ASH1L: variants seen among roughly 807,000 people sequenced by gnomAD.
ASH1L encodes histone-lysine N-methyltransferase ASH1L.
In ASH1L, 23 loss-of-function variants were observed where a neutral mutation model predicts 269.0. That is an observed-to-expected ratio of 0.09 (90% CI 0.06 to 0.12). The LOEUF is 0.12. Among genes scored for constraint, ASH1L ranks in the 10% least tolerant of loss-of-function variants. The pLI is 1.00. For missense variants in ASH1L, 2,912 were observed against 3,567.8 expected, an observed-to-expected ratio of 0.82 and a Z score of 4.68; for synonymous variants, 1,187 against 1,253.5, an observed-to-expected ratio of 0.95 and a Z score of 1.12.
chr1:155,522,750 G>C (rs999309272), intron 1 of ASH1L, among the ~76,000 whole-genome samples: 1 of 150,428 alleles, frequency 6.6e-6, no homozygotes, highest in Non-Finnish European at 1.5e-5. Context: ...GCAGTGGCGC[G>C]ATCTCAGCTC....
At chr1:155,427,394 G>A (rs1205641946) in intron 5 of ASH1L, among the ~76,000 whole-genome samples, 1 of 151,618 alleles carries the variant, frequency 6.6e-6, no homozygotes, top group Non-Finnish European at 1.5e-5. Context: ...TGCAACCTCC[G>A]CCTCCCGGGT....
chr1:155,383,644 G>A (rs532686241), intron 7 of ASH1L, among the ~76,000 whole-genome samples: 2 of 152,180 alleles, frequency 1.3e-5, no homozygotes, highest in Non-Finnish European at 2.9e-5. Context: ...AGCAACACAT[G>A]ATGGTACTAC....
intron 3 of ASH1L, among the ~76,000 whole-genome samples, chr1:155,463,013 C>T (rs563216937): frequency 5.3e-5 from 8 of 152,228 alleles, no homozygotes; most frequent in African/African-American, 1.7e-4. Context: ...GAAATAGCAA[C>T]CAGTTAAAAG....
chr1:155,474,646 C>T (rs1368493503), intron 3 of ASH1L, among the ~76,000 whole-genome samples: 1 of 152,090 alleles, frequency 6.6e-6, no homozygotes, highest in Non-Finnish European at 1.5e-5. Context: ...TTGCAGTGAG[C>T]CAAGATCGTG....
At position 155,347,785 on chromosome 1, in the gene ASH1L, A is replaced by G; in HGVS notation, c.7674T>C (p.Ser2558=). 6.2e-7 allele frequency: 1 copy of G among 1,614,188 alleles called. No homozygotes were observed. Among genetic ancestry groups the G allele is most frequent in the Non-Finnish European group, 8.5e-7 (1 of 1,180,020 alleles). ...CTGAGGTCTCACTGCTGTCTGCCTC[A>G]CTTGCTGTCTCTCCCACAATCTCAT... ...QIDEIVGETA[S]EADSSETSVS... is the part of the protein sequence containing the mutation. Residue 2558 remains serine, a synonymous_variant, in exon 20 of 28, where the codon AGT becomes AGC. Transcript: ENST00000392403.
intron 4 of ASH1L, among the ~76,000 whole-genome samples, chr1:155,446,902 G>A (rs888406656): frequency 2.6e-5 from 4 of 152,040 alleles, no homozygotes; most frequent in East Asian, 1.9e-4. Flanking sequence ...CGCGCCCGGC[G>A]CTACATTTCA....
At chr1:155,540,884 G>A (rs1670383638) in intron 1 of ASH1L, among the ~76,000 whole-genome samples, 1 of 152,098 alleles carries the variant, frequency 6.6e-6, no homozygotes, top group Admixed American at 6.6e-5. Context: ...AGAACATACA[G>A]TTAGTTCTCT....
At chr1:155,433,074 A>G (rs1661726199) in intron 5 of ASH1L, 4 of 1,212,052 alleles carry the variant, frequency 3.3e-6, no homozygotes, top group Non-Finnish European at 4.5e-6. Context: ...TTAAAGCTTC[A>G]ATAATTAAAC....
chr1:155,478,096 T>G lies in ASH1L; in HGVS notation c.4774A>C (p.Thr1592Pro). The change falls in exon 3 of 28, where the codon ACT (threonine) becomes CCT (proline). Residue 1592 changes from threonine (T) to proline (P), a missense_variant. Transcript: ENST00000392403. The surrounding 1 kb of genome is among the most constrained non-coding windows in gnomAD (Gnocchi z 4.6). ...CTGCTGGCTGGCTCAGAGTTGGGAGTGAATCCTCCAAGGGATAAGCTTGGA... is the reference window on the plus strand; with the variant it reads ...CTGCTGGCTGGCTCAGAGTTGGGAGGGAATCCTCCAAGGGATAAGCTTGGA... ...SSPSLSLGGF[T>P]PNSEPASSDE... The G allele has an allele frequency of 6.2e-7, 1 of 1,614,078 alleles. No individual in the cohort carries two copies. The highest frequency in any genetic ancestry group is 8.5e-7 in the Non-Finnish European group (1 of 1,180,028).
At chr1:155,342,769 A>C (rs1191942052) in intron 24 of ASH1L, among the ~76,000 whole-genome samples, 1 of 152,248 alleles carries the variant, frequency 6.6e-6, no homozygotes, top group Non-Finnish European at 1.5e-5. Flanking sequence ...AAAGGAACAT[A>C]GATAAAATGT....
At chr1:155,501,883 G>A (rs1308126356) in intron 2 of ASH1L, among the ~76,000 whole-genome samples, 3 of 151,840 alleles carry the variant, frequency 2.0e-5, no homozygotes, top group Non-Finnish European at 4.4e-5. Flanking sequence ...GGATGGTCTC[G>A]ATCTATTGAC....
chr1:155,537,540 ATCT>A, intron 1 of ASH1L, among the ~76,000 whole-genome samples: 1 of 152,216 alleles, frequency 6.6e-6, no homozygotes, highest in East Asian at 1.9e-4. Flanking sequence ...ATTGAATGTA[ATCT>A]TCTCACTCCA....
rs952552570 is a variant in ASH1L at position 155,338,467 on chromosome 1, G to A, written c.8502-77C>T. ...GATGAAGGGTAGGAGGCCTCAAGAT[G>A]GCTTGAGATCCTGGAGTCCAGCAGT... is the stretch of plus-strand genomic sequence containing the variant. On this transcript the variant is annotated intron_variant, in intron 26 of 27. Transcript: ENST00000392403. 7 of 1,382,550 alleles carry A rather than the reference G, an allele frequency of 5.1e-6. No individual in the cohort carries two copies. The East Asian group carries it at 6.9e-5, about 14-fold the overall frequency. 85.6% of individuals were successfully genotyped at this position (1,382,550 alleles called of 1,614,324 possible). A position where few individuals can be genotyped will look rare whatever the true frequency, so the allele number is the denominator to read the frequency against.
At chr1:155,473,227 T>C (rs746069817) in intron 3 of ASH1L, among the ~76,000 whole-genome samples, 24 of 152,196 alleles carry the variant, frequency 1.6e-4, no homozygotes, top group Non-Finnish European at 3.5e-4. Context: ...AAAATGTACA[T>C]TCATCCACAT....
At position 155,562,397 on chromosome 1, in the gene ASH1L, C is replaced by A. The variant is rs1282165125; in HGVS notation, c.-344G>T. ...ACCGAGACTGGGATCGTCTCCCCTC[C>A]GCAAAGCGAACCCAAAATGGCGGCG... On this transcript the variant is annotated 5_prime_UTR_variant, in exon 1 of 28. Coordinates refer to ENST00000392403, the MANE Select transcript of ASH1L (RefSeq NM_018489.3). 2.0e-6 allele frequency: 3 copies of A among 1,499,112 alleles called. No homozygotes were observed. The highest frequency in any genetic ancestry group is 2.7e-6 in the Non-Finnish European group (3 of 1,103,612). The allele number at this position is 1,499,112 out of a possible 1,614,324, so 92.9% of individuals were successfully genotyped here.
intron 1 of ASH1L, among the ~76,000 whole-genome samples, chr1:155,538,504 C>T (rs1457223796): frequency 2.0e-5 from 3 of 151,838 alleles, no homozygotes; most frequent in African/African-American, 4.8e-5. Flanking sequence ...ACTACAGGAA[C>T]GCACCACCAC....
rs72993423 is a variant in ASH1L at position 155,438,980 on chromosome 1, C to T, written c.5175G>A (p.Glu1725=). The change falls in exon 5 of 28, where the codon GAG becomes GAA. Residue 1725 remains glutamate (E), a synonymous_variant. Coordinates refer to ENST00000392403, the MANE Select transcript of ASH1L (RefSeq NM_018489.3). The part of the protein sequence containing the change: ...DSLLQRMVQN[E]DQEPMEKSID... ...TACTTTTCTCCATGGGCTCTTGGTC[C>T]TCATTTTGTACCATCCGCTGCAGCA... The T allele has an allele frequency of 3.5e-4, 559 of 1,614,170 alleles. 1 individual carries two copies. The African/African-American group carries it at 6.9e-3, about 20-fold the overall frequency.
At chr1:155,362,228 G>A (rs1323642786) in intron 12 of ASH1L, among the ~76,000 whole-genome samples, 1 of 151,704 alleles carries the variant, frequency 6.6e-6, no homozygotes, top group Non-Finnish European at 1.5e-5. Flanking sequence ...TAGAGACAGG[G>A]TTTCATCATG....
chr1:155,406,502 C>T (rs917347439), intron 6 of ASH1L, among the ~76,000 whole-genome samples: 6 of 152,156 alleles, frequency 3.9e-5, no homozygotes, highest in South Asian at 2.1e-4. Context: ...GCCAAGAGTT[C>T]GAGACAGCCT....
Sources: allele counts gnomAD v4.1 joint callset (sites outside exome capture counted in the v4.1 genomes callset), GRCh38; gene constraint gnomAD v4.1.1; non-coding constraint Gnocchi (gnomAD v3.1); transcripts MANE v1.5; gene names NCBI Gene and HGNC (gene_info 2026-07-23, HGNC 2026-07-21).